PREX1: variants seen among roughly 807,000 people sequenced by gnomAD.
PREX1 encodes the protein phosphatidylinositol-3,4,5-trisphosphate dependent Rac exchange factor 1.
Under a neutral mutation model 198.3 loss-of-function variants are expected in PREX1, and 41 were observed. That is an observed-to-expected ratio of 0.21 (90% CI 0.16 to 0.27). PREX1 has a LOEUF of 0.27. Ranked by LOEUF, PREX1 falls within the 10% of genes least tolerant of loss-of-function variation. The pLI is 1.00. For synonymous variants in PREX1, 843 were observed against 887.2 expected, an observed-to-expected ratio of 0.95 and a Z score of 0.89; for missense variants, 1,620 against 2,200.7, an observed-to-expected ratio of 0.74 and a Z score of 5.28.
At position 48,691,637 on chromosome 20, in the gene PREX1, G is replaced by T. The variant is rs1216007157; in HGVS notation, c.1037-541C>A. 6.6e-6 allele frequency among the ~76,000 whole-genome samples: 1 copy of T among 152,190 alleles called. No individual in the cohort carries two copies. Reference sequence around the variant, plus strand: ...GGCTCAAAACCAAGCAAGAACCCCTGCTCTGGACAAGCTCAAAAGCACACA... The same window carrying T: ...GGCTCAAAACCAAGCAAGAACCCCTTCTCTGGACAAGCTCAAAAGCACACA... On this transcript the variant is annotated intron_variant, in intron 8 of 39. Transcript: ENST00000371941. The surrounding 1 kb of genome is among the most constrained non-coding windows in gnomAD (Gnocchi z 5.0).
At chr20:48,695,849 G>C (rs369856101) in intron 7 of PREX1, among the ~76,000 whole-genome samples, 11 of 152,196 alleles carry the variant, frequency 7.2e-5, no homozygotes, top group African/African-American at 2.4e-4. Context: ...TATGGTCTCT[G>C]TTACAAACTA....
intron 18 of PREX1, 96 bp downstream of exon 18, chr20:48,656,944 C>G: frequency 7.1e-7 from 1 of 1,402,752 alleles, no homozygotes; most frequent in Non-Finnish European, 9.5e-7. Flanking sequence ...TGGGTCCCAG[C>G]CACGGGGGAC....
chr20:48,667,390 G>T (rs1486692694), intron 14 of PREX1, among the ~76,000 whole-genome samples: 1 of 152,164 alleles, frequency 6.6e-6, no homozygotes, highest in African/African-American at 2.4e-5. Flanking sequence ...AAGCCTACCA[G>T]GGGCTTCTGA....
At chr20:48,822,979 A>G (rs1600537101) in intron 1 of PREX1, among the ~76,000 whole-genome samples, 1 of 152,104 alleles carries the variant, frequency 6.6e-6, no homozygotes, top group Non-Finnish European at 1.5e-5. Context: ...GGAGTACAGA[A>G]TCTTTTAAAA....
intron 1 of PREX1, among the ~76,000 whole-genome samples, chr20:48,749,708 C>A (rs982469292): frequency 3.9e-5 from 6 of 152,216 alleles, no homozygotes; most frequent in Non-Finnish European, 2.9e-5. Flanking sequence ...ACACAGGAAG[C>A]AGCTTCGTCT....
At chr20:48,829,360 G>GAAA (rs2090529873), upstream of PREX1, among the ~76,000 whole-genome samples, 1 of 152,198 alleles carries the variant, frequency 6.6e-6, no homozygotes, top group Non-Finnish European at 1.5e-5. Context: ...TTTATGGACA[G>GAAA]AAACATTGCT....
intron 2 of PREX1, among the ~76,000 whole-genome samples, chr20:48,745,640 A>T (rs2090104131): frequency 6.6e-6 from 1 of 152,236 alleles, no homozygotes; most frequent in Admixed American, 6.5e-5. Context: ...ATAAGGAAGG[A>T]GGTTAGAAAT....
At chr20:48,641,906 GGAAA>G (rs2089416064) in intron 29 of PREX1, among the ~76,000 whole-genome samples, 1 of 102,524 alleles carries the variant, frequency 9.8e-6, no homozygotes, top group Non-Finnish European at 1.9e-5. Flanking sequence ...AAGGAAGGAA[GGAAA>G]AGAAACAGGA....
At chr20:48,888,075 C>T in the PREX1 span, among the ~76,000 whole-genome samples, 63 of 152,298 alleles carry the variant, frequency 4.1e-4, no homozygotes, top group African/African-American at 1.5e-3. Flanking sequence ...AAACTGGGAA[C>T]AAAAAGAGGT....
At chr20:48,744,924 G>A in intron 3 of PREX1, 101 bp downstream of exon 3, 1 of 1,467,984 alleles carries the variant, frequency 6.8e-7, no homozygotes, top group East Asian at 2.3e-5. Context: ...TCCCAGACAG[G>A]CCTACAGAGG....
intron 37 of PREX1, 96 bp from the exon 38 acceptor site, chr20:48,628,059 C>T (rs1017781677): frequency 3.1e-5 from 27 of 873,812 alleles, no homozygotes; most frequent in Admixed American, 1.1e-4. Context: ...AGAGCTGGGG[C>T]AACTTCCTGT....
At chr20:48,748,104 G>A (rs1311156646) in intron 1 of PREX1, among the ~76,000 whole-genome samples, 2 of 152,108 alleles carry the variant, frequency 1.3e-5, no homozygotes, top group Non-Finnish European at 1.5e-5. Flanking sequence ...GTGCACCTAC[G>A]ACGCCAGGCC....
chr20:48,786,925 G>C (rs984084405), intron 1 of PREX1, among the ~76,000 whole-genome samples: 1 of 151,642 alleles, frequency 6.6e-6, no homozygotes, highest in East Asian at 1.9e-4. Flanking sequence ...AGGAGGAGGC[G>C]TGGGAAGGAC....
chr20:48,758,795 T>C lies in PREX1; in HGVS notation c.220-10915A>G, dbSNP rs572372435. Reference sequence around the variant, plus strand: ...CAAAGGCCCCAAGGCACATTCAGTCTTTCCAAGACAATCCTATCGAAAACG... The same window carrying C: ...CAAAGGCCCCAAGGCACATTCAGTCCTTCCAAGACAATCCTATCGAAAACG... On this transcript the variant is annotated intron_variant, in intron 1 of 39. Transcript: ENST00000371941. Among the ~76,000 whole-genome samples the C allele has an allele frequency of 5.3e-5, 8 of 152,310 alleles. No individual in the cohort carries two copies. In the East Asian group the frequency reaches 1.5e-3, roughly 29 times the overall value.
chr20:48,717,788 T>C (rs1177737187), intron 5 of PREX1, among the ~76,000 whole-genome samples: 1 of 151,978 alleles, frequency 6.6e-6, no homozygotes, highest in Non-Finnish European at 1.5e-5. Flanking sequence ...GAAAGGGGGG[T>C]AAAGTGGGAA....
In PREX1 at chr20:48,649,548, C is replaced by A. The variant is rs758405086; in HGVS notation, c.3057G>T (p.Gln1019His). The A allele has an allele frequency of 1.9e-6, 3 of 1,607,628 alleles. No homozygotes were observed. The highest frequency in any genetic ancestry group is 2.5e-6 in the Non-Finnish European group (3 of 1,176,616). The change falls in exon 25 of 40, where the codon CAG becomes CAT. Residue 1019 changes from glutamine to histidine, a missense_variant. Gln to His is a conservative substitution (Grantham distance 24). This residue lies in a region of PREX1 where 514 missense variants were observed against 611.6 expected (regional missense o/e 0.84). Transcript: ENST00000371941. ...GAGCAGCCATGGTGGTGATGCAGTG[C>A]TGGGTGTACGACATGGGGTTCAGGT... Reference protein sequence around the residue: ...QGHLNPMSYTQHCITTMAAPS... With the variant: ...QGHLNPMSYTHHCITTMAAPS...
chr20:48,753,173 G>T (rs569636439), intron 1 of PREX1, among the ~76,000 whole-genome samples: 11 of 152,310 alleles, frequency 7.2e-5, no homozygotes, highest in African/African-American at 2.4e-4. Context: ...ATTGATTAGT[G>T]ATGTCTGCCA....
At chr20:48,715,440 A>G (rs550696271) in intron 5 of PREX1, among the ~76,000 whole-genome samples, 1 of 152,306 alleles carries the variant, frequency 6.6e-6, no homozygotes, top group Admixed American at 6.5e-5. Flanking sequence ...TTATCAGATG[A>G]TGAAACTGGA....
intron 1 of PREX1, among the ~76,000 whole-genome samples, chr20:48,814,504 G>C (rs2123055196): frequency 6.6e-6 from 1 of 152,316 alleles, no homozygotes; most frequent in Admixed American, 6.5e-5. Flanking sequence ...CAGGTAATAG[G>C]AAGAGCAAAG....
Sources: gnomAD v4.1 joint callset for allele counts (sites outside exome capture counted in the v4.1 genomes callset) on GRCh38, gnomAD v4.1.1 for gene constraint, gnomAD v4.1.1 regional missense constraint, Gnocchi (gnomAD v3.1) non-coding constraint, MANE v1.5 for transcripts, NCBI Gene and HGNC (gene_info 2026-07-23, HGNC 2026-07-21) for gene names.